The following PSME4 variants were observed in gnomAD, a reference collection of about 807,000 sequenced individuals.
PSME4 encodes the protein proteasome activator complex subunit 4.
In PSME4, 89 loss-of-function variants were observed where a neutral mutation model predicts 253.9. The ratio of observed to expected loss-of-function variants is 0.35; its 90% confidence interval spans 0.30 to 0.42. PSME4 has a LOEUF of 0.42. Among genes scored for constraint, PSME4 ranks in the 10% least tolerant of loss-of-function variants. PSME4 has a pLI of 1.00. For synonymous variants in PSME4, 851 were observed against 759.2 expected, an observed-to-expected ratio of 1.12 and a Z score of -1.99; for missense variants, 2,014 against 2,195.2, an observed-to-expected ratio of 0.92 and a Z score of 1.65.
intron 36 of PSME4, among the ~76,000 whole-genome samples, chr2:53,890,975 C>T (rs1049712890): frequency 5.3e-5 from 8 of 152,038 alleles, no homozygotes; most frequent in African/African-American, 1.7e-4. Context: ...TGCAGTGAGC[C>T]GAGATCATCC....
intron 1 of PSME4, among the ~76,000 whole-genome samples, chr2:53,950,300 G>GA (rs1669915834): frequency 6.6e-6 from 1 of 150,852 alleles, no homozygotes. Context: ...AAAAAAAAAG[G>GA]AGATTGCCAA....
At chr2:53,908,690 A>T in intron 22 of PSME4, 94 bp downstream of exon 22, 1 of 1,445,576 alleles carries the variant, frequency 6.9e-7, no homozygotes. Flanking sequence ...CATTTAGAAT[A>T]AAAAACATTA....
At chr2:53,916,816 C>T (rs1668082746) in intron 20 of PSME4, among the ~76,000 whole-genome samples, 1 of 152,032 alleles carries the variant, frequency 6.6e-6, no homozygotes, top group Non-Finnish European at 1.5e-5. Context: ...AAAGTTTCAG[C>T]TGAAGGTAAT....
intron 43 of PSME4, among the ~76,000 whole-genome samples, chr2:53,872,406 G>C (rs1285484066): frequency 6.6e-6 from 1 of 151,996 alleles, no homozygotes; most frequent in Non-Finnish European, 1.5e-5. Flanking sequence ...TTTACATGTT[G>C]CTTTAAAAAT....
At chr2:53,967,649 CAAAAAAAAAAAAAA>C (rs71408747) in intron 1 of PSME4, among the ~76,000 whole-genome samples, 8 of 21,560 alleles carry the variant, frequency 3.7e-4, no homozygotes, top group East Asian at 2.8e-3. Context: ...GAGATTGTCT[CAAAAAAAAAAAAAA>C]AAAAAAAAAA....
chr2:53,958,163 G>A (rs1173885852), intron 1 of PSME4, among the ~76,000 whole-genome samples: 1 of 146,642 alleles, frequency 6.8e-6, no homozygotes, highest in Non-Finnish European at 1.5e-5. Flanking sequence ...TCCAGCCTGG[G>A]CGACAGAGAA....
intron 3 of PSME4, among the ~76,000 whole-genome samples, chr2:53,941,896 C>A (rs960034404): frequency 3.3e-5 from 5 of 152,058 alleles, no homozygotes; most frequent in Non-Finnish European, 5.9e-5. Flanking sequence ...AATATACTTT[C>A]GCATAATGTC....
chr2:53,951,239 C>T (rs886212622), intron 1 of PSME4, among the ~76,000 whole-genome samples: 1 of 152,152 alleles, frequency 6.6e-6, no homozygotes, highest in Non-Finnish European at 1.5e-5. Context: ...CCCAACACCA[C>T]GCCCGGCTAA....
intron 31 of PSME4, among the ~76,000 whole-genome samples, chr2:53,897,088 C>G (rs1253372525): frequency 1.3e-5 from 2 of 151,816 alleles, no homozygotes; most frequent in Non-Finnish European, 2.9e-5. Context: ...TTGACACATG[C>G]TAGTCTCTCT....
intron 1 of PSME4, among the ~76,000 whole-genome samples, chr2:53,968,611 C>A (rs1290675117): frequency 6.6e-6 from 1 of 152,186 alleles, no homozygotes. Context: ...TCTCATAGTG[C>A]AATATCAAGA....
chr2:53,908,144 T>C (rs1196927184), intron 24 of PSME4, 176 bp downstream of exon 24: 2 of 552,164 alleles, frequency 3.6e-6, no homozygotes, highest in East Asian at 3.0e-5. Context: ...GAAAAATATA[T>C]TTTTTGCTAG....
intron 17 of PSME4, among the ~76,000 whole-genome samples, chr2:53,922,224 AT>A (rs1558686472): frequency 6.6e-6 from 1 of 152,164 alleles, no homozygotes. Context: ...TGATGGCCAA[AT>A]TTAAAGTGTA....
Position 53,936,694 on chromosome 2 carries a change from A to T in PSME4, c.759+70T>A, listed in dbSNP as rs879113402. 2.9e-5 allele frequency: 33 copies of T among 1,132,764 alleles called. No individual in the cohort carries two copies. The South Asian group carries it at 3.1e-4, about 11-fold the overall frequency. 70.2% of individuals were successfully genotyped at this position (1,132,764 alleles called of 1,614,324 possible). ...ATCTATTAATATTTATCTCCAAATT[A>T]AAAAAGTATGGGGGGGAAAAAAGAA... On this transcript the variant is annotated intron_variant, in intron 6 of 46. Transcript: ENST00000404125.
intron 35 of PSME4, among the ~76,000 whole-genome samples, chr2:53,893,359 T>C (rs954790009): frequency 6.6e-6 from 1 of 152,188 alleles, no homozygotes; most frequent in African/African-American, 2.4e-5. Context: ...TTCAAGTCCA[T>C]GACATAAAAT....
intron 40 of PSME4, among the ~76,000 whole-genome samples, chr2:53,886,223 C>T (rs1679629072): frequency 6.6e-6 from 1 of 152,098 alleles, no homozygotes. Context: ...GTCTGGGCAA[C>T]ATATGGAGAC....
At chr2:53,875,810 A>G in intron 41 of PSME4, 55 bp from the exon 42 acceptor site, 1 of 1,518,152 alleles carries the variant, frequency 6.6e-7, no homozygotes, top group African/African-American at 1.4e-5. Context: ...AATAAGTACA[A>G]AGGCATCCTA....
In PSME4 at chr2:53,865,321, G is replaced by C. The variant is rs749508523; in HGVS notation, c.*257C>G. 1 of 151,930 alleles carries C rather than the reference G, an allele frequency of 6.6e-6. No individual in the cohort carries two copies. The highest frequency in any genetic ancestry group is 2.1e-4 in the South Asian group (1 of 4,728). The allele number at this position is 151,930 out of a possible 1,614,324, so 9.4% of individuals were successfully genotyped here. ...CATACTGGGTAATTATTTCTAGTCT[G>C]AGACTTTGTGACTTTGTCAGATGCC... On this transcript the variant is annotated 3_prime_UTR_variant, in exon 47 of 47. Transcript: ENST00000404125.
Position 53,947,991 on chromosome 2 carries a change from G to A in PSME4, c.500+430C>T, listed in dbSNP as rs772059262. On this transcript the variant is annotated intron_variant, in intron 3 of 46. Coordinates refer to ENST00000404125, the MANE Select transcript of PSME4 (RefSeq NM_014614.3). The stretch of plus-strand genomic sequence containing the variant: ...AGATCACACCACTGCACTCCAGCCT[G>A]AGCGTCAGAGTGAGACACCATCTCA... Among the ~76,000 whole-genome samples, 5 of 152,288 alleles carry A rather than the reference G, an allele frequency of 3.3e-5. No homozygotes were observed. The East Asian group carries it at 9.6e-4, about 29-fold the overall frequency.
rs764190145 is a variant in PSME4 at position 53,949,220 on chromosome 2, C to T, written c.306G>A (p.Leu102=). The change falls in exon 2 of 47, where the codon TTG becomes TTA. Residue 102 remains leucine, a synonymous_variant. Coordinates refer to ENST00000404125, the MANE Select transcript of PSME4 (RefSeq NM_014614.3). ...GTTTTGGAATTGATACCAGCTCATACAATAACTTAATAAAAAGAACATGAT... is the reference window on the plus strand; with the variant it reads ...GTTTTGGAATTGATACCAGCTCATATAATAACTTAATAAAAAGAACATGAT... ...KEDHVLFIKL[L]YELVSIPKLE... is the part of the protein sequence containing the mutation. 6.2e-7 allele frequency: 1 copy of T among 1,611,210 alleles called. No homozygotes were observed. Among genetic ancestry groups the T allele is most frequent in the Admixed American group, 1.7e-5 (1 of 59,646 alleles).
Sources: gnomAD v4.1 joint callset for allele counts (sites outside exome capture counted in the v4.1 genomes callset) on GRCh38, gnomAD v4.1.1 for gene constraint, MANE v1.5 for transcripts, NCBI Gene and HGNC (gene_info 2026-07-23, HGNC 2026-07-21) for gene names.